HDAC9: variants seen among roughly 807,000 people sequenced by gnomAD.
The protein encoded by HDAC9 is histone deacetylase 9.
Under a neutral mutation model 139.4 loss-of-function variants are expected in HDAC9, and 41 were observed. The observed-to-expected ratio is 0.29, with a 90% CI of 0.23 to 0.38. The LOEUF (loss-of-function observed/expected upper bound fraction) is 0.38. Ranked by LOEUF, HDAC9 falls within the 10% of genes least tolerant of loss-of-function variation. HDAC9 has a pLI of 1.00. For synonymous variants in HDAC9, 517 were observed against 476.2 expected, an observed-to-expected ratio of 1.09 and a Z score of -1.12; for missense variants, 1,147 against 1,297.0, an observed-to-expected ratio of 0.88 and a Z score of 1.78.
intron 2 of HDAC9, among the ~76,000 whole-genome samples, chr7:18,171,177 A>G (rs1170620273): frequency 6.6e-6 from 1 of 152,172 alleles, no homozygotes; most frequent in African/African-American, 2.4e-5. Flanking sequence ...TGTAAGTTGC[A>G]TTCCTAGGTA....
At chr7:18,402,420 C>T (rs1787632096) in intron 1 of HDAC9, among the ~76,000 whole-genome samples, 1 of 152,060 alleles carries the variant, frequency 6.6e-6, no homozygotes, top group South Asian at 2.1e-4. Flanking sequence ...AGGAAAGAGC[C>T]TGTGCAAAGG....
intron 1 of HDAC9, among the ~76,000 whole-genome samples, chr7:18,406,855 T>C (rs536964680): frequency 6.6e-6 from 1 of 152,240 alleles, no homozygotes; most frequent in Admixed American, 6.5e-5. Flanking sequence ...AATAATATAG[T>C]GATGAAGGAC....
intron 17 of HDAC9, among the ~76,000 whole-genome samples, chr7:18,818,957 C>A (rs1284926398): frequency 3.3e-5 from 5 of 151,910 alleles, no homozygotes; most frequent in Non-Finnish European, 7.4e-5. Context: ...CTTGCCATAG[C>A]AATAGACTTA....
chr7:18,207,087 G>T (rs975288436), intron 2 of HDAC9, among the ~76,000 whole-genome samples: 1 of 151,728 alleles, frequency 6.6e-6, no homozygotes, highest in Non-Finnish European at 1.5e-5. Flanking sequence ...GTTTTTGTTT[G>T]TTTGTTTGGT....
chr7:18,299,491 C>T (rs1322708588), intron 1 of HDAC9, among the ~76,000 whole-genome samples: 3 of 152,014 alleles, frequency 2.0e-5, no homozygotes, highest in Admixed American at 6.6e-5. Flanking sequence ...GGTACTTTTC[C>T]AGCAGTTTAA....
chr7:18,905,852 TTCTTTC>T (rs887576402), intron 22 of HDAC9, among the ~76,000 whole-genome samples: 2 of 113,864 alleles, frequency 1.8e-5, no homozygotes, highest in South Asian at 3.8e-4. Flanking sequence ...GCTGAATAGT[TTCTTTC>T]TTTCTTTCTT....
intron 12 of HDAC9, among the ~76,000 whole-genome samples, chr7:18,695,422 G>A (rs1782974022): frequency 1.3e-5 from 2 of 152,148 alleles, no homozygotes; most frequent in East Asian, 3.8e-4. Context: ...TGAGGACTGT[G>A]TTTATATGAC....
At chr7:18,700,472 A>G (rs1195853097) in intron 12 of HDAC9, among the ~76,000 whole-genome samples, 2 of 152,166 alleles carry the variant, frequency 1.3e-5, no homozygotes, top group South Asian at 2.1e-4. Context: ...GAGTGGGGCT[A>G]TCTCTCACCT....
At chr7:18,378,665 A>G (rs1785187530) in intron 1 of HDAC9, among the ~76,000 whole-genome samples, 1 of 152,118 alleles carries the variant, frequency 6.6e-6, no homozygotes, top group African/African-American at 2.4e-5. Flanking sequence ...ATATTTATGC[A>G]CATATGTTTA....
intron 21 of HDAC9, among the ~76,000 whole-genome samples, chr7:18,865,811 AAAAG>A (rs1027192903): frequency 2.4e-4 from 36 of 152,124 alleles, no homozygotes; most frequent in African/African-American, 8.4e-4. Flanking sequence ...AGAAAAACCT[AAAAG>A]AAATAAAAGT....
chr7:18,256,526 A>C (rs1349183845), intron 2 of HDAC9, among the ~76,000 whole-genome samples: 1 of 152,186 alleles, frequency 6.6e-6, no homozygotes, highest in Non-Finnish European at 1.5e-5. Context: ...TACCTCTCCA[A>C]CTAGTGTTTC....
intron 11 of HDAC9, among the ~76,000 whole-genome samples, chr7:18,658,366 A>G (rs908053923): frequency 1.3e-5 from 2 of 152,168 alleles, no homozygotes; most frequent in African/African-American, 4.8e-5. Context: ...CCAGAAGGGA[A>G]CACTTATTGA....
At chr7:18,213,487 C>G (rs1159853996) in intron 2 of HDAC9, among the ~76,000 whole-genome samples, 4 of 152,028 alleles carry the variant, frequency 2.6e-5, no homozygotes, top group African/African-American at 4.8e-5. Flanking sequence ...TGTGGTAGTT[C>G]TTGGGATTTT....
At chr7:18,879,251 T>C (rs1265153391) in intron 22 of HDAC9, among the ~76,000 whole-genome samples, 2 of 152,152 alleles carry the variant, frequency 1.3e-5, no homozygotes, top group African/African-American at 4.8e-5. Flanking sequence ...AATTTACAGA[T>C]TCAATGCTAT....
intron 17 of HDAC9, among the ~76,000 whole-genome samples, chr7:18,800,819 C>T (rs140133335): frequency 4.0e-5 from 6 of 151,732 alleles, no homozygotes; most frequent in Non-Finnish European, 7.4e-5. Flanking sequence ...GAAGACAGAG[C>T]GAGGCCTTGT....
intron 22 of HDAC9, among the ~76,000 whole-genome samples, chr7:18,911,838 A>G (rs1049529665): frequency 2.6e-5 from 4 of 151,934 alleles, no homozygotes; most frequent in African/African-American, 9.7e-5. Context: ...TTCTAATTTT[A>G]TTCCATTGTG....
intron 12 of HDAC9, among the ~76,000 whole-genome samples, chr7:18,696,570 C>T (rs1241316633): frequency 6.6e-6 from 1 of 151,460 alleles, no homozygotes; most frequent in Non-Finnish European, 1.5e-5. Flanking sequence ...CGGGTTCAAG[C>T]GATTCTCTTG....
chr7:18,237,627 G>C (rs1793909569), intron 2 of HDAC9, among the ~76,000 whole-genome samples: 1 of 152,160 alleles, frequency 6.6e-6, no homozygotes, highest in Non-Finnish European at 1.5e-5. Flanking sequence ...ATTTTTGAAA[G>C]ATATTTTGAA....
intron 1 of HDAC9, among the ~76,000 whole-genome samples, chr7:18,160,258 C>T (rs13241161): frequency 6.6e-5 from 10 of 152,106 alleles, no homozygotes; most frequent in South Asian, 2.1e-4. Flanking sequence ...GCTTTCTATT[C>T]GTTATTCTTA....
Sources: gnomAD v4.1 joint callset for allele counts (sites outside exome capture counted in the v4.1 genomes callset) on GRCh38, gnomAD v4.1.1 for gene constraint, MANE v1.5 for transcripts, NCBI Gene and HGNC (gene_info 2026-07-23, HGNC 2026-07-21) for gene names.